DHX38: variants seen among roughly 807,000 people sequenced by gnomAD.
The protein encoded by DHX38 is DEAH-box helicase 38, also known as pre-mRNA-splicing factor ATP-dependent RNA helicase PRP16.
Under a neutral mutation model 153.1 loss-of-function variants are expected in DHX38, and 100 were observed. The ratio of observed to expected loss-of-function variants is 0.65; its 90% confidence interval spans 0.56 to 0.77. The LOEUF (loss-of-function observed/expected upper bound fraction) is 0.77, where lower values mean the gene tolerates loss of function less well. DHX38 is among the 30% of genes least tolerant of loss of function. DHX38 has a pLI of 0.00. For synonymous variants in DHX38, 650 were observed against 631.7 expected (o/e 1.03, Z -0.43); for missense variants, 1,440 against 1,654.0 (o/e 0.87, Z 2.24).
At chr16:72,097,062 C>A in intron 3 of DHX38, 53 bp downstream of exon 3, 1 of 1,533,776 alleles carries the variant, frequency 6.5e-7, no homozygotes, top group South Asian at 1.3e-5. Context: ...ATAAATGTGT[C>A]AGCCTTTTTC....
rs2042276801 is a variant in DHX38, at chr16:72,112,869, A to ATAAT, written c.*374_*377dup. 1.4e-6 allele frequency: 1 copy of ATAAT among 696,914 alleles called. No individual in the cohort carries two copies. 43.2% of individuals were successfully genotyped at this position (696,914 alleles called of 1,614,324 possible). A position where few individuals can be genotyped will look rare whatever the true frequency, so the allele number is the denominator to read the frequency against. ...ACCTAAAGGGAATTGTAATTTGGTT[A>ATAAT]TAATTCAGGATTTGGAAATAAATTT... On this transcript the variant is annotated 3_prime_UTR_variant, in exon 27 of 27. Transcript: ENST00000268482.
chr16:72,108,856 C>T lies in DHX38; in HGVS notation c.3312C>T (p.Thr1104=), dbSNP rs1253627311. 1.2e-6 allele frequency: 2 copies of T among 1,613,978 alleles called. No individual in the cohort carries two copies. The highest frequency in any genetic ancestry group is 2.7e-5 in the African/African-American group (2 of 74,944). ...RTGMPCHLHP[T]SSLFGMGYTP... ...GGATGCCCTGCCACTTGCACCCCACCAGCTCCCTTTTTGGAATGGGCTACA... is the reference window on the plus strand; with the variant it reads ...GGATGCCCTGCCACTTGCACCCCACTAGCTCCCTTTTTGGAATGGGCTACA... Residue 1104 remains threonine (T), a synonymous_variant, in exon 24 of 27, where the codon ACC becomes ACT. Coordinates refer to ENST00000268482, the MANE Select transcript of DHX38 (RefSeq NM_014003.4).
chr16:72,096,058 C>T (rs1002041898), intron 1 of DHX38, 81 bp from the exon 2 acceptor site: 40 of 1,404,190 alleles, frequency 2.8e-5, no homozygotes, highest in Non-Finnish European at 3.9e-5. Flanking sequence ...TAATCACCTA[C>T]ATATAACCAT....
At position 72,106,056 on chromosome 16, in the gene DHX38, C is replaced by T; in HGVS notation, c.2539C>T (p.Gln847Ter). 6.2e-7 allele frequency: 1 copy of T among 1,614,224 alleles called. No homozygotes were observed. The stretch of plus-strand genomic sequence containing the variant: ...TGCTCTGCAGATCTATCCCATTAGC[C>T]AGGCCAATGCCAACCAGCGGTCAGG... Reference protein sequence around the residue: ...MDALQIYPISQANANQRSGRA... With the variant: ...MDALQIYPIS The change falls in exon 19 of 27, where the codon CAG becomes TAG. Residue 847 changes from glutamine to a stop codon, truncating the protein, a stop_gained. Coordinates refer to ENST00000268482, the MANE Select transcript of DHX38 (RefSeq NM_014003.4). LOFTEE classifies it high-confidence loss of function.
At position 72,104,017 on chromosome 16, in the gene DHX38, C is replaced by T. The variant is rs768939514; in HGVS notation, c.1896C>T (p.Ile632=). Residue 632 remains isoleucine (I), a synonymous_variant, in exon 14 of 27, where the codon ATC becomes ATT. Coordinates refer to ENST00000268482, the MANE Select transcript of DHX38 (RefSeq NM_014003.4). This position sits in a 1 kb window ranked among gnomAD's most constrained non-coding sequence, Gnocchi z 4.5. ...NTLIKYMTDG[I]LLRESLREAD... The stretch of plus-strand genomic sequence containing the variant: ...TGATCAAATACATGACTGACGGGAT[C>T]CTGCTCCGAGAGTCCCTCCGGGAAG... 1.2e-6 allele frequency: 2 copies of T among 1,614,182 alleles called. No homozygotes were observed. Among genetic ancestry groups the T allele is most frequent in the South Asian group, 1.1e-5 (1 of 91,080 alleles).
At chr16:72,112,372 G>C (rs765109451) in intron 26 of DHX38, 41 bp from the exon 27 acceptor site, 4 of 1,594,498 alleles carry the variant, frequency 2.5e-6, no homozygotes, top group South Asian at 1.1e-5. Context: ...GGCTGTGGGT[G>C]AGGGCACGGT....
intron 3 of DHX38, 80 bp from the exon 4 acceptor site, chr16:72,097,597 G>A: frequency 1.5e-6 from 2 of 1,376,802 alleles, no homozygotes; most frequent in Non-Finnish European, 2.0e-6. Context: ...TGAGTGGGCA[G>A]CCTGTCCTTT....
At chr16:72,099,939 G>T in intron 8 of DHX38, 52 bp downstream of exon 8, 2 of 1,552,824 alleles carry the variant, frequency 1.3e-6, no homozygotes, top group South Asian at 2.4e-5. Context: ...GGTAGAGCAC[G>T]TGGGGAAGCA....
intron 1 of DHX38, among the ~76,000 whole-genome samples, chr16:72,094,669 C>T (rs2041982422): frequency 6.6e-6 from 1 of 152,256 alleles, no homozygotes; most frequent in South Asian, 2.1e-4. Context: ...ATGAAGTTCT[C>T]TCTGGCTGTC....
intron 3 of DHX38, 37 bp from the exon 4 acceptor site, chr16:72,097,640 G>C: frequency 6.3e-7 from 1 of 1,593,506 alleles, no homozygotes; most frequent in Non-Finnish European, 8.6e-7. Flanking sequence ...CCTTAGGATG[G>C]GATGCATGTT....
chr16:72,112,742 G>C lies in DHX38; in HGVS notation c.*245G>C. 1 of 703,852 alleles carries C rather than the reference G, an allele frequency of 1.4e-6. No individual in the cohort carries two copies. The highest frequency in any genetic ancestry group is 1.5e-5 in the South Asian group (1 of 67,612). 43.6% of individuals were successfully genotyped at this position (703,852 alleles called of 1,614,324 possible). On this transcript the variant is annotated 3_prime_UTR_variant, in exon 27 of 27. Coordinates refer to ENST00000268482, the MANE Select transcript of DHX38 (RefSeq NM_014003.4). The stretch of plus-strand genomic sequence containing the variant: ...CGAGGTGCTGCCGGGGCAGCGGGAG[G>C]TGGCTGGACCCATCGCATCTAAAAC...
chr16:72,101,116 A>G lies in DHX38; in HGVS notation c.1309A>G (p.Thr437Ala), dbSNP rs754315338. The G allele has an allele frequency of 6.2e-7, 1 of 1,614,224 alleles. No homozygotes were observed. Among genetic ancestry groups the G allele is most frequent in the African/African-American group, 1.3e-5 (1 of 75,056 alleles). ...GCCGGTGATTCCAGTGAAGGATGCT[A>G]CTTCTGACCTGGCCATCATTGCTCG... Reference protein sequence around the residue: ...PEPVIPVKDATSDLAIIARKG... With the variant: ...PEPVIPVKDAASDLAIIARKG... The change falls in exon 10 of 27, where the codon ACT becomes GCT. Residue 437 changes from threonine to alanine, a missense_variant. By Grantham distance (58) the Thr-to-Ala change is moderately conservative. Transcript: ENST00000268482.
At chr16:72,108,136 T>G in intron 21 of DHX38, 91 bp from the exon 22 acceptor site, 1 of 1,409,864 alleles carries the variant, frequency 7.1e-7, no homozygotes, top group Non-Finnish European at 9.7e-7. Context: ...GTTCTATGTG[T>G]GGGTAGGTGG....
At chr16:72,098,013 A>T (rs1322705292) in intron 4 of DHX38, among the ~76,000 whole-genome samples, 1 of 152,236 alleles carries the variant, frequency 6.6e-6, no homozygotes, top group East Asian at 1.9e-4. Flanking sequence ...TCCAAATGGT[A>T]GGAAAGAATA....
In DHX38 at chr16:72,099,188, TC is replaced by T; in HGVS notation, c.884-14del. On this transcript the variant is annotated splice_polypyrimidine_tract_variant and intron_variant, in intron 6 of 26. Coordinates refer to ENST00000268482, the MANE Select transcript of DHX38 (RefSeq NM_014003.4). The stretch of plus-strand genomic sequence containing the variant: ...AGGCCAGGGCATGGACTGACCTGCT[TC>T]CTGTGCTCCTCCAGGAAGACGTGAG... The T allele has an allele frequency of 1.2e-6, 2 of 1,604,452 alleles. No individual in the cohort carries two copies. The highest frequency in any genetic ancestry group is 2.0e-4 in the Middle Eastern group (1 of 4,900).
In DHX38 at chr16:72,111,063, C is replaced by G. The variant is rs1413939651; in HGVS notation, c.3585C>G (p.Pro1195=). The change falls in exon 26 of 27, where the codon CCC becomes CCG. Residue 1195 remains proline (P), a synonymous_variant. Coordinates refer to ENST00000268482, the MANE Select transcript of DHX38 (RefSeq NM_014003.4). ...ARRQEQEKRS[P]LGSVRSTKIY... ...GGCAGGAGCAGGAGAAGCGCAGCCC[C>G]CTGGGCAGTGTCAGGTGAGCTCCGG... The G allele has an allele frequency of 7.0e-6, 11 of 1,566,606 alleles. No homozygotes were observed. Among genetic ancestry groups the G allele is most frequent in the Non-Finnish European group, 2.6e-6 (3 of 1,156,200 alleles).
chr16:72,108,881 A>G lies in DHX38; in HGVS notation c.3337A>G (p.Thr1113Ala). The G allele has an allele frequency of 1.9e-6, 3 of 1,613,528 alleles. No homozygotes were observed. Among genetic ancestry groups the G allele is most frequent in the South Asian group, 2.2e-5 (2 of 90,924 alleles). The change falls in exon 24 of 27, where the codon ACC (threonine) becomes GCC (alanine). Residue 1113 changes from threonine to alanine, a missense_variant. Thr to Ala is a moderately conservative substitution (Grantham distance 58). Transcript: ENST00000268482. ...CAGCTCCCTTTTTGGAATGGGCTACACCCCAGATTACATAGTGTATCACGA... is the reference window on the plus strand; with the variant it reads ...CAGCTCCCTTTTTGGAATGGGCTACGCCCCAGATTACATAGTGTATCACGA... ...PTSSLFGMGY[T>A]PDYIVYHELV...
At chr16:72,109,378 TC>T in intron 24 of DHX38, 36 bp from the exon 25 acceptor site, 1 of 1,605,506 alleles carries the variant, frequency 6.2e-7, no homozygotes, top group Non-Finnish European at 8.5e-7. Context: ...ACATTGGCCC[TC>T]CTGTGACCCT....
At chr16:72,112,108 G>C in intron 26 of DHX38, 1 of 436,544 alleles carries the variant, frequency 2.3e-6, no homozygotes, top group Non-Finnish European at 4.2e-6. Flanking sequence ...AAGGCAGGCT[G>C]CTACACAGTT....
Sources: gnomAD v4.1 joint callset for allele counts (sites outside exome capture counted in the v4.1 genomes callset) on GRCh38, gnomAD v4.1.1 for gene constraint, Gnocchi (gnomAD v3.1) non-coding constraint, MANE v1.5 for transcripts, NCBI Gene and HGNC (gene_info 2026-07-23, HGNC 2026-07-21) for gene names.